DDX60: variants seen among roughly 807,000 people sequenced by gnomAD.
The protein encoded by DDX60 is DExD/H-box helicase 60.
In DDX60, 165 loss-of-function variants were observed where a neutral mutation model predicts 212.8. The ratio of observed to expected loss-of-function variants is 0.78; its 90% CI spans 0.68 to 0.88. The LOEUF (loss-of-function observed/expected upper bound fraction) is 0.88, where lower values mean the gene tolerates loss of function less well. Ranked by LOEUF, DDX60 falls within the 40% of genes least tolerant of loss-of-function variation. The probability of loss-of-function intolerance (pLI) is 0.00; values close to 1 mark genes in which losing one functional copy is unlikely to be tolerated. For missense variants in DDX60, 1,905 were observed against 2,003.9 expected, an observed-to-expected ratio of 0.95 and a Z score of 0.94; for synonymous variants, 703 against 685.3, an observed-to-expected ratio of 1.03 and a Z score of -0.40.
At chr4:168,286,625 C>A (rs1453307465) in intron 10 of DDX60, among the ~76,000 whole-genome samples, 1 of 152,020 alleles carries the variant, frequency 6.6e-6, no homozygotes, top group Non-Finnish European at 1.5e-5. Flanking sequence ...CTGCAACTTG[C>A]TGCCTAAAAG....
chr4:168,252,345 G>C (rs544253435), intron 27 of DDX60, among the ~76,000 whole-genome samples, 164 bp downstream of exon 27: 23 of 152,306 alleles, frequency 1.5e-4, no homozygotes, highest in Non-Finnish European at 3.2e-4. Context: ...GCACTGCAGA[G>C]CATTCAAGAG....
chr4:168,309,302 C>T (rs1299280458), intron 3 of DDX60, among the ~76,000 whole-genome samples: 4 of 152,042 alleles, frequency 2.6e-5, no homozygotes, highest in African/African-American at 9.7e-5. Flanking sequence ...GAAGTGTTCC[C>T]AAAAAGCAGA....
At position 168,216,955 on chromosome 4, in the gene DDX60, C is replaced by T; in HGVS notation, c.5117G>A (p.Trp1706Ter). ...TTTTTAGACTTTGTTTAACTTTTCC[C>T]AAAAAGTTGTACTCAGTTGTTCAAA... The part of the protein sequence containing the change: ...LAFEQLSTTF[W>*]EKLNKV Residue 1706 changes from tryptophan (W) to a stop codon, truncating the protein, a stop_gained, in exon 38 of 38, where the codon TGG becomes TAG. Coordinates refer to ENST00000393743, the MANE Select transcript of DDX60 (RefSeq NM_017631.6). LOFTEE classifies it high-confidence loss of function. 4.4e-6 allele frequency: 7 copies of T among 1,599,148 alleles called. No homozygotes were observed. Among genetic ancestry groups the T allele is most frequent in the Admixed American group, 1.8e-5 (1 of 56,538 alleles).
chr4:168,220,645 T>C lies in DDX60; in HGVS notation c.5039+10A>G. 2.2e-6 allele frequency: 3 copies of C among 1,349,564 alleles called. No homozygotes were observed. Among genetic ancestry groups the C allele is most frequent in the East Asian group, 2.6e-5 (1 of 37,920 alleles). 83.6% of individuals were successfully genotyped at this position (1,349,564 alleles called of 1,614,324 possible). On this transcript the variant is annotated intron_variant, in intron 37 of 37. Coordinates refer to ENST00000393743, the MANE Select transcript of DDX60 (RefSeq NM_017631.6). The stretch of plus-strand genomic sequence containing the variant: ...AAAATCTAAAATCAATATTTAAATA[T>C]ATAACACACCTGATAGATTTAATGG...
chr4:168,268,732 C>T, intron 20 of DDX60, 122 bp downstream of exon 20: 1 of 544,650 alleles, frequency 1.8e-6, no homozygotes, highest in Non-Finnish European at 3.0e-6. Flanking sequence ...CTTGAAGATT[C>T]AGAAATAAAC....
rs1579042697 is a variant in DDX60 at position 168,280,377 on chromosome 4, C to A, written c.1936G>T (p.Ala646Ser). ...KLQVEMVGLT[A>S]CLKAWKEHCR... The stretch of plus-strand genomic sequence containing the variant: ...TGTTCTTTCCAGGCTTTCAAGCAAG[C>A]AGTTAACCCCACCATTTCAACCTGA... Residue 646 changes from alanine (A) to serine (S), a missense_variant, in exon 14 of 38, where the codon GCT becomes TCT. Coordinates refer to ENST00000393743, the MANE Select transcript of DDX60 (RefSeq NM_017631.6). 2 of 1,614,058 alleles carry A rather than the reference C, an allele frequency of 1.2e-6. No homozygotes were observed. The highest frequency in any genetic ancestry group is 1.7e-6 in the Non-Finnish European group (2 of 1,179,980).
At chr4:168,290,443 C>T (rs1579058051) in intron 8 of DDX60, among the ~76,000 whole-genome samples, 4 of 151,898 alleles carry the variant, frequency 2.6e-5, no homozygotes, top group Admixed American at 1.3e-4. Flanking sequence ...ATTCTCCCGC[C>T]GCAGCCTCCC....
intron 16 of DDX60, among the ~76,000 whole-genome samples, chr4:168,274,495 A>G (rs1265052674): frequency 6.6e-6 from 1 of 152,250 alleles, no homozygotes; most frequent in East Asian, 1.9e-4. Flanking sequence ...TGCCAGGATG[A>G]GAGAGCTCCA....
intron 3 of DDX60, among the ~76,000 whole-genome samples, chr4:168,310,559 C>T (rs1737084152): frequency 6.6e-6 from 1 of 152,124 alleles, no homozygotes; most frequent in Non-Finnish European, 1.5e-5. Flanking sequence ...GGTGGCATTA[C>T]GATGGGCTTT....
At chr4:168,247,112 G>C (rs944964383) in intron 29 of DDX60, among the ~76,000 whole-genome samples, 1 of 152,166 alleles carries the variant, frequency 6.6e-6, no homozygotes, top group African/African-American at 2.4e-5. Context: ...AATGCTACTT[G>C]TGAAAAAGCA....
Position 168,262,090 on chromosome 4 carries a change from T to A in DDX60, c.3183A>T (p.Lys1061Asn). ...TAGCATCCATCTTTTTAATGACTAATTTATTGTTAAAATGAATGAAGTTTT... is the reference window on the plus strand; with the variant it reads ...TAGCATCCATCTTTTTAATGACTAAATTATTGTTAAAATGAATGAAGTTTT... Reference protein sequence around the residue: ...CPENFIHFNNKLVIKKMDARK... With the variant: ...CPENFIHFNNNLVIKKMDARK... The change falls in exon 24 of 38, where the codon AAA becomes AAT. Residue 1061 changes from lysine to asparagine, a missense_variant. Lys to Asn is a moderately conservative substitution (Grantham distance 94). Transcript: ENST00000393743. 6.3e-7 allele frequency: 1 copy of A among 1,595,800 alleles called. No homozygotes were observed. The highest frequency in any genetic ancestry group is 8.5e-7 in the Non-Finnish European group (1 of 1,174,394).
chr4:168,309,181 A>G (rs979865898), intron 3 of DDX60, among the ~76,000 whole-genome samples: 1 of 152,210 alleles, frequency 6.6e-6, no homozygotes, highest in African/African-American at 2.4e-5. Flanking sequence ...TCCAAACACA[A>G]TAAAAAGTGA....
intron 30 of DDX60, among the ~76,000 whole-genome samples, chr4:168,245,058 G>A (rs1233534626): frequency 6.6e-6 from 1 of 152,068 alleles, no homozygotes; most frequent in African/African-American, 2.4e-5. Flanking sequence ...TAACACTACT[G>A]AACTGTACAC....
At chr4:168,269,563 T>C (rs1370715994) in intron 19 of DDX60, among the ~76,000 whole-genome samples, 3 of 152,024 alleles carry the variant, frequency 2.0e-5, no homozygotes, top group South Asian at 2.1e-4. Flanking sequence ...ATCGCGCCAC[T>C]GGGTTCCAGC....
chr4:168,236,430 A>G, intron 32 of DDX60, 57 bp from the exon 33 acceptor site: 5 of 1,425,444 alleles, frequency 3.5e-6, no homozygotes, highest in Middle Eastern at 2.4e-4. Context: ...CTATTTTTTC[A>G]TGTTTAAATG....
At chr4:168,283,872 C>A (rs186664562) in intron 12 of DDX60, among the ~76,000 whole-genome samples, 1 of 152,198 alleles carries the variant, frequency 6.6e-6, no homozygotes, top group African/African-American at 2.4e-5. Flanking sequence ...CATTCATTAC[C>A]TATGTCCTGT....
intron 25 of DDX60, among the ~76,000 whole-genome samples, chr4:168,256,990 A>G (rs1734437375): frequency 6.6e-6 from 1 of 152,262 alleles, no homozygotes; most frequent in African/African-American, 2.4e-5. Context: ...AAGAAATTTC[A>G]TATAGTAGAC....
chr4:168,307,984 A>C (rs772876315), intron 4 of DDX60, 22 bp downstream of exon 4: 2 of 1,462,544 alleles, frequency 1.4e-6, no homozygotes, highest in Non-Finnish European at 1.8e-6. Flanking sequence ...TATTATAAAA[A>C]AGAACTCAAC....
intron 8 of DDX60, among the ~76,000 whole-genome samples, 182 bp downstream of exon 8, chr4:168,291,566 C>T (rs1223745724): frequency 6.6e-6 from 1 of 152,162 alleles, no homozygotes; most frequent in Non-Finnish European, 1.5e-5. Flanking sequence ...ATATATCATG[C>T]TATTTGTTAG....
Sources: gnomAD v4.1 joint callset for allele counts (sites outside exome capture counted in the v4.1 genomes callset) on GRCh38, gnomAD v4.1.1 for gene constraint, MANE v1.5 for transcripts, NCBI Gene and HGNC (gene_info 2026-07-23, HGNC 2026-07-21) for gene names.